The following MYOM1 variants were observed in gnomAD, a reference collection of about 807,000 sequenced individuals.
MYOM1 encodes the protein myomesin 1.
Under a neutral mutation model 205.3 loss-of-function variants are expected in MYOM1, and 164 were observed. The observed-to-expected ratio is 0.80, with a 90% CI of 0.70 to 0.91. The LOEUF is 0.91. MYOM1 is among the 40% of genes least tolerant of loss of function. The pLI is 0.00. For synonymous variants in MYOM1, 772 were observed against 789.4 expected (o/e 0.98, Z 0.37); for missense variants, 2,011 against 2,127.3 (o/e 0.95, Z 1.08).
intron 33 of MYOM1, among the ~76,000 whole-genome samples, chr18:3,083,170 T>C (rs373927530): frequency 1.3e-5 from 2 of 152,204 alleles, no homozygotes; most frequent in African/African-American, 2.4e-5. Context: ...CTATGAATTA[T>C]GGTACTTCTT....
chr18:3,178,937 A>G (rs761799241), intron 5 of MYOM1, among the ~76,000 whole-genome samples: 32 of 151,402 alleles, frequency 2.1e-4, no homozygotes, highest in Non-Finnish European at 4.3e-4. Context: ...GTGTGATTAT[A>G]GCTCCCTGCA....
intron 23 of MYOM1, among the ~76,000 whole-genome samples, chr18:3,100,751 TC>T (rs2079364497): frequency 6.6e-6 from 1 of 152,078 alleles, no homozygotes; most frequent in Non-Finnish European, 1.5e-5. Context: ...GCCAGACACT[TC>T]CCCCGCCAAG....
the MYOM1 span, among the ~76,000 whole-genome samples, chr18:3,242,801 G>A: frequency 0.018 from 2,685 of 152,252 alleles, 95 homozygotes; most frequent in African/African-American, 0.061. Context: ...GAGCCTCTGC[G>A]CCTGACCTCG....
chr18:3,244,372 A>G, the MYOM1 span, among the ~76,000 whole-genome samples: 4 of 152,180 alleles, frequency 2.6e-5, no homozygotes, highest in African/African-American at 9.7e-5. Context: ...TGCCAAATTC[A>G]TATGTTGAAG....
chr18:3,193,824 G>A lies in MYOM1; in HGVS notation c.425C>T (p.Ser142Leu), dbSNP rs200041669. The A allele has an allele frequency of 1.2e-6, 2 of 1,612,348 alleles. No homozygotes were observed. Among genetic ancestry groups the A allele is most frequent in the East Asian group, 2.2e-5 (1 of 44,838 alleles). ...LPSDYMVPIF[S>L]GRQKHVSGIT... Reference sequence around the variant, plus strand: ...GAAGAAAAAGCACACTCACCGTCCTGAGAAAATGGGTACCATGTAGTCACT... The same window carrying A: ...GAAGAAAAAGCACACTCACCGTCCTAAGAAAATGGGTACCATGTAGTCACT... Residue 142 changes from serine to leucine, a missense_variant, in exon 3 of 38, where the codon TCA becomes TTA. Coordinates refer to ENST00000356443, the MANE Select transcript of MYOM1 (RefSeq NM_003803.4).
chr18:3,160,989 A>G (rs556228838), intron 10 of MYOM1, among the ~76,000 whole-genome samples: 158 of 152,348 alleles, frequency 1.0e-3, no homozygotes, highest in Non-Finnish European at 1.9e-3. Context: ...ATAGCATGAC[A>G]AAGGTTTTTG....
rs559414598 is a variant in MYOM1, at chr18:3,125,814, T to C, written c.2991+887A>G. Among the ~76,000 whole-genome samples, 12 of 152,212 alleles carry C rather than the reference T, an allele frequency of 7.9e-5. No homozygotes were observed. The East Asian group carries it at 1.9e-3, about 24-fold the overall frequency. ...AACAGTGAGACTGTTCTGGTTCTCT[T>C]ATGTGACCTGAGCAGTGGAGGCCCC... On this transcript the variant is annotated intron_variant, in intron 19 of 37. Transcript: ENST00000356443.
chr18:3,207,582 CT>C (rs2081139637), intron 2 of MYOM1, among the ~76,000 whole-genome samples: 1 of 152,208 alleles, frequency 6.6e-6, no homozygotes, highest in South Asian at 2.1e-4. Context: ...CTTGTTTCAT[CT>C]AAAAGATGGC....
At chr18:3,068,191 T>A (rs2078919951) in intron 37 of MYOM1, among the ~76,000 whole-genome samples, 1 of 152,162 alleles carries the variant, frequency 6.6e-6, no homozygotes, top group Admixed American at 6.5e-5. Context: ...AGACACAAGG[T>A]CTACAGTTTT....
At chr18:3,216,380 A>T (rs886106642) in intron 1 of MYOM1, among the ~76,000 whole-genome samples, 1 of 152,238 alleles carries the variant, frequency 6.6e-6, no homozygotes, top group Non-Finnish European at 1.5e-5. Context: ...ACAATAGAGA[A>T]AACAAGTAAG....
intron 13 of MYOM1, among the ~76,000 whole-genome samples, chr18:3,148,863 AAAAAAAAAAG>A (rs2080174805): frequency 6.6e-6 from 1 of 150,722 alleles, no homozygotes; most frequent in African/African-American, 2.4e-5. Context: ...AAAAAAAAAA[AAAAAAAAAAG>A]AAAATGGTGA....
intron 5 of MYOM1, among the ~76,000 whole-genome samples, chr18:3,182,537 C>T (rs1407808061): frequency 2.0e-5 from 3 of 152,162 alleles, no homozygotes; most frequent in Non-Finnish European, 2.9e-5. Context: ...CTAGGTAATA[C>T]GTTTACATGG....
At chr18:3,154,616 T>TACACACACACAC (rs10625884) in intron 11 of MYOM1, among the ~76,000 whole-genome samples, 1 of 145,850 alleles carries the variant, frequency 6.9e-6, no homozygotes, top group Admixed American at 6.9e-5. Context: ...ACCTACTCAA[T>TACACACACACAC]ACACACACAC....
intron 11 of MYOM1, among the ~76,000 whole-genome samples, chr18:3,153,483 T>C (rs1341331410): frequency 1.3e-5 from 2 of 152,186 alleles, no homozygotes; most frequent in Non-Finnish European, 2.9e-5. Flanking sequence ...ATTTTCACTA[T>C]GACTAAGGCC....
chr18:3,190,111 G>A (rs2080883430), intron 3 of MYOM1, among the ~76,000 whole-genome samples: 1 of 152,136 alleles, frequency 6.6e-6, no homozygotes. Flanking sequence ...CAATAGTAAG[G>A]GAGTGGCAAC....
the MYOM1 span, among the ~76,000 whole-genome samples, chr18:3,229,385 GA>G: frequency 0.03 from 3,172 of 106,426 alleles, 46 homozygotes; most frequent in Non-Finnish European, 0.045. Context: ...CAACCCAAGA[GA>G]AAAAAAAAAA....
chr18:3,135,944 C>T lies in MYOM1; in HGVS notation c.2026-214G>A, dbSNP rs2079953007. 6.6e-6 allele frequency among the ~76,000 whole-genome samples: 1 copy of T among 152,120 alleles called. No homozygotes were observed. Among genetic ancestry groups the T allele is most frequent in the South Asian group, 2.1e-4 (1 of 4,826 alleles). On this transcript the variant is annotated intron_variant, in intron 14 of 37. Coordinates refer to ENST00000356443, the MANE Select transcript of MYOM1 (RefSeq NM_003803.4). The surrounding 1 kb of genome is among the most constrained non-coding windows in gnomAD (Gnocchi z 4.1). ...GCTTTTGATACGGTTTGGCTGTGTCCCTGCCCAAATCTCATCTACAATTGT... is the reference window on the plus strand; with the variant it reads ...GCTTTTGATACGGTTTGGCTGTGTCTCTGCCCAAATCTCATCTACAATTGT...
chr18:3,146,578 T>C (rs1175861378), intron 13 of MYOM1, among the ~76,000 whole-genome samples: 1 of 152,134 alleles, frequency 6.6e-6, no homozygotes, highest in Non-Finnish European at 1.5e-5. Flanking sequence ...TTTTTCCTAA[T>C]ATAAACTCTC....
intron 5 of MYOM1, among the ~76,000 whole-genome samples, chr18:3,182,003 G>A (rs1014524643): frequency 6.6e-6 from 1 of 151,982 alleles, no homozygotes; most frequent in African/African-American, 2.4e-5. Flanking sequence ...TAAAGAGCTG[G>A]GATTACAGGC....
Sources: gnomAD v4.1 joint callset for allele counts (sites outside exome capture counted in the v4.1 genomes callset) on GRCh38, gnomAD v4.1.1 for gene constraint, Gnocchi (gnomAD v3.1) non-coding constraint, MANE v1.5 for transcripts, NCBI Gene and HGNC (gene_info 2026-07-23, HGNC 2026-07-21) for gene names.